Variants in ANK3 observed in about 807,000 individuals in gnomAD.
ANK3 encodes ankyrin-3.
A neutral mutation model predicts 370.9 loss-of-function variants in ANK3; 57 were observed. The ratio of observed to expected loss-of-function variants is 0.15; its 90% CI spans 0.12 to 0.19. The LOEUF (loss-of-function observed/expected upper bound fraction) is 0.19. ANK3 is among the 10% of genes least tolerant of loss of function. ANK3 has a pLI of 1.00. For missense variants in ANK3, 4,439 were observed against 5,302.1 expected, an observed-to-expected ratio of 0.84 and a Z score of 5.06; for synonymous variants, 1,929 against 1,946.3, an observed-to-expected ratio of 0.99 and a Z score of 0.23.
At chr10:60,438,338 A>G (rs898074068) in intron 2 of ANK3, among the ~76,000 whole-genome samples, 1 of 152,164 alleles carries the variant, frequency 6.6e-6, no homozygotes, top group African/African-American at 2.4e-5. Context: ...CGTTGTCTGA[A>G]ATAATACAGC....
At position 60,348,712 on chromosome 10, in the gene ANK3, A is replaced by G. The variant is rs140193227; in HGVS notation, c.114+40713T>C. ...TAGTGGTGGTTTTTACACTCATGAT[A>G]CATTATATTTCTATTTTATAGAAGG... On this transcript the variant is annotated intron_variant, in intron 1 of 43. Coordinates refer to ENST00000280772, the MANE Select transcript of ANK3 (RefSeq NM_020987.5). Among the ~76,000 whole-genome samples the G allele has an allele frequency of 2.6e-5, 4 of 152,274 alleles. No homozygotes were observed. The East Asian group carries it at 7.7e-4, about 29-fold the overall frequency.
At chr10:60,190,403 C>CTTT (rs1237392283) in intron 16 of ANK3, among the ~76,000 whole-genome samples, 3 of 61,436 alleles carry the variant, frequency 4.9e-5, no homozygotes, top group Non-Finnish European at 1.8e-4. Context: ...TATTTATTCT[C>CTTT]CTTTCTTTCT....
At chr10:60,677,884 T>A (rs1428576250) in intron 1 of ANK3, among the ~76,000 whole-genome samples, 1 of 151,968 alleles carries the variant, frequency 6.6e-6, no homozygotes, top group African/African-American at 2.4e-5. Flanking sequence ...AAATGCTAGA[T>A]CCTGCTAGGC....
At chr10:60,428,627 G>C (rs946474969) in intron 2 of ANK3, among the ~76,000 whole-genome samples, 1 of 152,122 alleles carries the variant, frequency 6.6e-6, no homozygotes, top group Admixed American at 6.6e-5. Flanking sequence ...AAACTGCATT[G>C]GCATTGAAAT....
At chr10:60,173,953 C>T (rs1009528862) in intron 18 of ANK3, among the ~76,000 whole-genome samples, 2 of 152,094 alleles carry the variant, frequency 1.3e-5, no homozygotes, top group South Asian at 4.1e-4. Flanking sequence ...CTCTAGATGG[C>T]TGTGTTCATT....
At chr10:60,102,130 GC>G (rs952585443) in intron 28 of ANK3, among the ~76,000 whole-genome samples, 18 of 150,244 alleles carry the variant, frequency 1.2e-4, no homozygotes, top group African/African-American at 4.2e-4. Context: ...GGAAAAGGGT[GC>G]CCACTTGGGG....
chr10:60,648,807 G>A (rs2078747503), intron 1 of ANK3, among the ~76,000 whole-genome samples: 1 of 147,270 alleles, frequency 6.8e-6, no homozygotes, highest in Non-Finnish European at 1.5e-5. Flanking sequence ...AGTAGATACT[G>A]CTTCTGCTCC....
Position 60,073,039 on chromosome 10 carries a change from G to T in ANK3, c.7842C>A (p.Arg2614=), listed in dbSNP as rs377158191. The change falls in exon 37 of 44, where the codon CGC becomes CGA. Residue 2614 remains arginine, a synonymous_variant. Transcript: ENST00000280772. ...AAGAATATTCTTTGCCATTTTTAGG[G>T]CGTGCCTTTTTCTCTGGGGACTGCA... ...DELQSPEKKA[R]PKNGKEYSSQ... is the part of the protein sequence containing the mutation. 2.5e-6 allele frequency: 4 copies of T among 1,614,108 alleles called. No homozygotes were observed. In the African/African-American group the frequency reaches 4.0e-5, roughly 16 times the overall value.
At chr10:60,664,009 G>C (rs1334268701) in intron 1 of ANK3, among the ~76,000 whole-genome samples, 1 of 152,200 alleles carries the variant, frequency 6.6e-6, no homozygotes, top group Non-Finnish European at 1.5e-5. Context: ...CATCCTGCCT[G>C]TCTCAGAAGG....
At position 60,072,132 on chromosome 10, in the gene ANK3, T is replaced by C; in HGVS notation, c.8749A>G (p.Lys2917Glu). 1 of 1,613,988 alleles carries C rather than the reference T, an allele frequency of 6.2e-7. No individual in the cohort carries two copies. ...GAGGGAGATTTTACAGTCATTTCTT[T>C]AATTTCTGAGAGAGAGCCGTTTGTT... ...LLTNGSLSEI[K>E]EMTVKSPSKK... Residue 2917 changes from lysine to glutamate, a missense_variant, in exon 37 of 44, where the codon AAA becomes GAA. This residue lies in a region of ANK3 where 1,601 missense variants were observed against 1,731.7 expected (regional missense o/e 0.92). Coordinates refer to ENST00000280772, the MANE Select transcript of ANK3 (RefSeq NM_020987.5).
At chr10:60,256,192 G>A (rs564114104) in intron 7 of ANK3, among the ~76,000 whole-genome samples, 19 of 152,322 alleles carry the variant, frequency 1.2e-4, no homozygotes, top group African/African-American at 3.8e-4. Context: ...GGGGACTTAC[G>A]GGAGAAATTG....
In ANK3 at chr10:60,103,177, C is replaced by G. The variant is rs543661132; in HGVS notation, c.3328+2728G>C. Among the ~76,000 whole-genome samples the G allele has an allele frequency of 4.6e-5, 7 of 152,234 alleles. No individual in the cohort carries two copies. The East Asian group carries it at 1.4e-3, about 29-fold the overall frequency. ...ATGTTGGCCAGGATGGTCTCCATCT[C>G]TTGACTTCGTGATCCACTTGCCTCG... On this transcript the variant is annotated intron_variant, in intron 28 of 43. Coordinates refer to ENST00000280772, the MANE Select transcript of ANK3 (RefSeq NM_020987.5).
chr10:60,483,300 T>C (rs2075271021), intron 2 of ANK3, among the ~76,000 whole-genome samples: 1 of 152,230 alleles, frequency 6.6e-6, no homozygotes, highest in South Asian at 2.1e-4. Flanking sequence ...GACTTCTATC[T>C]GTAATATCTC....
chr10:60,053,640 G>T, intron 42 of ANK3: 2 of 1,295,086 alleles, frequency 1.5e-6, no homozygotes, highest in Non-Finnish European at 1.0e-6. Context: ...GCCATGGGTT[G>T]CTGCATGGAA....
chr10:60,152,581 T>C (rs1351709759), intron 23 of ANK3, among the ~76,000 whole-genome samples: 2 of 152,238 alleles, frequency 1.3e-5, no homozygotes, highest in Admixed American at 1.3e-4. Context: ...GAAATTACTC[T>C]AAATGCAATA....
intron 2 of ANK3, among the ~76,000 whole-genome samples, chr10:60,406,877 A>G (rs1398641202): frequency 6.6e-6 from 1 of 152,112 alleles, no homozygotes; most frequent in Admixed American, 6.5e-5. Flanking sequence ...CCTTTTCCTC[A>G]TTCACCATTT....
chr10:60,698,868 A>C (rs979699747), intron 1 of ANK3, among the ~76,000 whole-genome samples: 15 of 150,228 alleles, frequency 1.0e-4, no homozygotes, highest in African/African-American at 3.4e-4. Context: ...TAACGTGCAC[A>C]TTGTGCACAT....
At chr10:60,562,166 A>T (rs1266242636) in intron 2 of ANK3, among the ~76,000 whole-genome samples, 1 of 152,216 alleles carries the variant, frequency 6.6e-6, no homozygotes, top group East Asian at 1.9e-4. Context: ...TATCTCATGG[A>T]ATATATAACT....
At chr10:60,704,796 A>G (rs1365049288) in intron 1 of ANK3, among the ~76,000 whole-genome samples, 1 of 152,200 alleles carries the variant, frequency 6.6e-6, no homozygotes, top group Non-Finnish European at 1.5e-5. Context: ...TCATGGTGGG[A>G]CAATTACAAC....
Sources: allele counts gnomAD v4.1 joint callset (sites outside exome capture counted in the v4.1 genomes callset), GRCh38; gene constraint gnomAD v4.1.1; regional missense constraint gnomAD v4.1.1; transcripts MANE v1.5; gene names NCBI Gene and HGNC (gene_info 2026-07-23, HGNC 2026-07-21).